Variants in GOLIM4 observed in about 807,000 individuals in gnomAD.
GOLIM4 encodes the protein golgi integral membrane protein 4, also known as 130 kDa golgi-localized phosphoprotein.
Under a neutral mutation model 107.4 loss-of-function variants are expected in GOLIM4, and 71 were observed. That is an observed-to-expected ratio of 0.66 (90% CI 0.55 to 0.81). The LOEUF (loss-of-function observed/expected upper bound fraction) is 0.81, where lower values mean the gene tolerates loss of function less well. Among genes scored for constraint, GOLIM4 ranks in the 30% least tolerant of loss-of-function variants. The probability of loss-of-function intolerance (pLI) is 0.00; values close to 1 mark genes in which losing one functional copy is unlikely to be tolerated. For synonymous variants in GOLIM4, 327 were observed against 294.8 expected, an observed-to-expected ratio of 1.11 and a Z score of -1.12; for missense variants, 830 against 826.1, an observed-to-expected ratio of 1.00 and a Z score of -0.06.
intron 12 of GOLIM4, 41 bp from the exon 13 acceptor site, chr3:168,025,136 G>A: frequency 6.6e-7 from 1 of 1,504,780 alleles, no homozygotes; most frequent in Non-Finnish European, 9.1e-7. Flanking sequence ...CTTCAAAACT[G>A]AGGATCAAGT....
intron 14 of GOLIM4, among the ~76,000 whole-genome samples, chr3:168,013,593 T>C (rs1246381730): frequency 2.9e-4 from 43 of 147,118 alleles, no homozygotes; most frequent in African/African-American, 1.2e-3. Context: ...ATACATTTTT[T>C]TCAGCACCAC....
chr3:168,077,957 G>A (rs562441650), intron 1 of GOLIM4, among the ~76,000 whole-genome samples: 20 of 152,042 alleles, frequency 1.3e-4, no homozygotes, highest in Non-Finnish European at 2.2e-4. Flanking sequence ...TAAAATGTAT[G>A]ATATACTCTA....
chr3:168,081,597 G>A (rs1414031991), intron 1 of GOLIM4, among the ~76,000 whole-genome samples: 1 of 152,100 alleles, frequency 6.6e-6, no homozygotes, highest in Non-Finnish European at 1.5e-5. Context: ...CCCGGAGTTA[G>A]GATTCAAGTA....
At chr3:168,051,073 C>G (rs1418301384) in intron 1 of GOLIM4, among the ~76,000 whole-genome samples, 1 of 151,994 alleles carries the variant, frequency 6.6e-6, no homozygotes, top group Non-Finnish European at 1.5e-5. Flanking sequence ...CTTTTGCAAA[C>G]TTAATATTGT....
intron 1 of GOLIM4, among the ~76,000 whole-genome samples, chr3:168,060,141 C>A (rs1034632447): frequency 8.6e-5 from 13 of 150,904 alleles, no homozygotes; most frequent in African/African-American, 2.4e-4. Context: ...CACTATGTTG[C>A]CTAGGCTGGA....
At chr3:168,088,042 T>C (rs55722269) in intron 1 of GOLIM4, among the ~76,000 whole-genome samples, 31,661 of 152,108 alleles carry the variant, frequency 0.21, 5,796 homozygotes, top group African/African-American at 0.5. Context: ...CACTTCAAAA[T>C]AAAGCTATAA....
At chr3:168,018,141 G>A (rs9942126) in intron 14 of GOLIM4, among the ~76,000 whole-genome samples, 1 of 151,898 alleles carries the variant, frequency 6.6e-6, no homozygotes, top group African/African-American at 2.4e-5. Flanking sequence ...AAGAAAGTCC[G>A]ATCTTTTCTA....
At chr3:168,072,872 ATGAGCAAAC>A (rs1720904634) in intron 1 of GOLIM4, among the ~76,000 whole-genome samples, 1 of 152,216 alleles carries the variant, frequency 6.6e-6, no homozygotes. Context: ...TATTTAATGT[ATGAGCAAAC>A]TGCTCTATAT....
intron 1 of GOLIM4, among the ~76,000 whole-genome samples, chr3:168,087,199 T>A (rs1040303510): frequency 8.5e-5 from 13 of 152,290 alleles, no homozygotes; most frequent in African/African-American, 3.1e-4. Flanking sequence ...AACAGGAAAC[T>A]TTTACACCAC....
At chr3:168,062,908 C>A (rs766228860) in intron 1 of GOLIM4, among the ~76,000 whole-genome samples, 3 of 152,112 alleles carry the variant, frequency 2.0e-5, no homozygotes, top group Non-Finnish European at 4.4e-5. Flanking sequence ...AGCTCCAAGG[C>A]GGAGGGAGTG....
intron 7 of GOLIM4, among the ~76,000 whole-genome samples, chr3:168,038,788 G>A (rs894406962): frequency 1.1e-4 from 17 of 152,188 alleles, no homozygotes; most frequent in African/African-American, 3.9e-4. Context: ...GAATGTTTGT[G>A]TCCTCTCAAA....
At chr3:168,059,747 G>C (rs926774995) in intron 1 of GOLIM4, among the ~76,000 whole-genome samples, 1 of 152,200 alleles carries the variant, frequency 6.6e-6, no homozygotes, top group Non-Finnish European at 1.5e-5. Context: ...CTGGAGGCGT[G>C]GGGAGAATGG....
At chr3:168,070,850 C>A (rs1720797497) in intron 1 of GOLIM4, among the ~76,000 whole-genome samples, 2 of 152,198 alleles carry the variant, frequency 1.3e-5, no homozygotes, top group African/African-American at 4.8e-5. Context: ...AAAAACAAGT[C>A]AGAGGTGAGT....
intron 1 of GOLIM4, among the ~76,000 whole-genome samples, chr3:168,072,623 C>T (rs1460962213): frequency 6.6e-6 from 1 of 152,066 alleles, no homozygotes; most frequent in East Asian, 1.9e-4. Flanking sequence ...ATAAAACCTC[C>T]CTAAAACTTA....
intron 1 of GOLIM4, among the ~76,000 whole-genome samples, chr3:168,057,923 C>A (rs111499175): frequency 6.6e-6 from 1 of 152,134 alleles, no homozygotes; most frequent in Non-Finnish European, 1.5e-5. Flanking sequence ...ATCTTCTATG[C>A]CCCAGCACTT....
Position 168,079,988 on chromosome 3 carries a change from T to C in GOLIM4, c.187+15111A>G, listed in dbSNP as rs543798867. 5.3e-5 allele frequency among the ~76,000 whole-genome samples: 8 copies of C among 152,324 alleles called. No homozygotes were observed. In the East Asian group the frequency reaches 7.7e-4, roughly 15 times the overall value. The stretch of plus-strand genomic sequence containing the variant: ...AATCTCTAAAATTACCTTTGTATTA[T>C]TGTTGCTAATACATGATGCTAAATT... On this transcript the variant is annotated intron_variant, in intron 1 of 15. Coordinates refer to ENST00000470487, the MANE Select transcript of GOLIM4 (RefSeq NM_014498.5).
intron 8 of GOLIM4, among the ~76,000 whole-genome samples, chr3:168,035,783 A>T: frequency 6.6e-6 from 1 of 152,310 alleles, no homozygotes; most frequent in East Asian, 1.9e-4. Context: ...CCTGAACTTA[A>T]AAGTTTAAAA....
At chr3:168,024,708 C>CT in intron 13 of GOLIM4, 114 bp from the exon 14 acceptor site, 2 of 929,456 alleles carry the variant, frequency 2.2e-6, no homozygotes, top group Non-Finnish European at 3.5e-6. Flanking sequence ...TTCAAAGCGT[C>CT]TGTGGCCAGG....
chr3:168,084,229 T>C (rs2140098), intron 1 of GOLIM4, among the ~76,000 whole-genome samples: 28,455 of 152,112 alleles, frequency 0.19, 4,374 homozygotes, highest in African/African-American at 0.43. Context: ...CTTTGCCCTC[T>C]GCCATCATTG....
Sources: allele counts gnomAD v4.1 joint callset (sites outside exome capture counted in the v4.1 genomes callset), GRCh38; gene constraint gnomAD v4.1.1; transcripts MANE v1.5; gene names NCBI Gene and HGNC (gene_info 2026-07-23, HGNC 2026-07-21).